ADGRB3: variants seen among roughly 807,000 people sequenced by gnomAD.
ADGRB3 encodes brain-specific angiogenesis inhibitor 3.
In ADGRB3, 37 loss-of-function variants were observed where a neutral mutation model predicts 193.4. The ratio of observed to expected loss-of-function variants is 0.19; its 90% CI spans 0.15 to 0.25. ADGRB3 has a LOEUF of 0.25. ADGRB3 is among the 10% of genes least tolerant of loss of function. The pLI is 1.00. For missense variants in ADGRB3, 1,637 were observed against 1,852.9 expected, an observed-to-expected ratio of 0.88 and a Z score of 2.14; for synonymous variants, 690 against 644.2, an observed-to-expected ratio of 1.07 and a Z score of -1.08.
At chr6:68,850,398 T>C (rs1768373991) in intron 3 of ADGRB3, among the ~76,000 whole-genome samples, 1 of 152,010 alleles carries the variant, frequency 6.6e-6, no homozygotes, top group Non-Finnish European at 1.5e-5. Flanking sequence ...TTTGTTACTT[T>C]AGAGGGTGCA....
At chr6:68,861,389 G>A (rs200604087) in intron 3 of ADGRB3, among the ~76,000 whole-genome samples, 1 of 151,932 alleles carries the variant, frequency 6.6e-6, no homozygotes, top group African/African-American at 2.4e-5. Context: ...GTGAAACCCC[G>A]TCTCTACTAA....
At chr6:68,781,547 C>T (rs1766852741) in intron 3 of ADGRB3, among the ~76,000 whole-genome samples, 2 of 151,922 alleles carry the variant, frequency 1.3e-5, no homozygotes, top group South Asian at 2.1e-4. Flanking sequence ...GAGTAAAGGT[C>T]TCATTCATTC....
intron 13 of ADGRB3, among the ~76,000 whole-genome samples, chr6:69,024,960 C>T (rs950716773): frequency 1.3e-4 from 19 of 151,882 alleles, no homozygotes; most frequent in South Asian, 4.2e-4. Context: ...GGCGTGGTGG[C>T]GGGCACCTGT....
chr6:69,093,944 C>G lies in ADGRB3; in HGVS notation c.2480+17906C>G, dbSNP rs566624168. ...AAATTATTTAAATCAGAGAAAAGTACAAGGAATTATTGTTTTTAAAAATAT... is the reference window on the plus strand; with the variant it reads ...AAATTATTTAAATCAGAGAAAAGTAGAAGGAATTATTGTTTTTAAAAATAT... On this transcript the variant is annotated intron_variant, in intron 17 of 31. Transcript: ENST00000370598. 1.7e-3 allele frequency among the ~76,000 whole-genome samples: 265 copies of G among 152,258 alleles called. 1 individual carries two copies. Among genetic ancestry groups the G allele is most frequent in the Non-Finnish European group, 3.0e-3 (207 of 68,016 alleles).
At chr6:68,922,180 T>G (rs962949102) in intron 3 of ADGRB3, among the ~76,000 whole-genome samples, 3 of 152,222 alleles carry the variant, frequency 2.0e-5, no homozygotes, top group Admixed American at 1.3e-4. Flanking sequence ...TTGTCTGCTA[T>G]GTTCACAGCT....
intron 11 of ADGRB3, among the ~76,000 whole-genome samples, chr6:69,003,554 A>G (rs1047130198): frequency 2.0e-5 from 3 of 152,144 alleles, no homozygotes; most frequent in South Asian, 2.1e-4. Context: ...CCAGCCAACA[A>G]TCACTCCAAG....
intron 3 of ADGRB3, among the ~76,000 whole-genome samples, chr6:68,777,424 A>C (rs1164354833): frequency 6.6e-6 from 1 of 152,122 alleles, no homozygotes; most frequent in Non-Finnish European, 1.5e-5. Flanking sequence ...TGCTGTGAAT[A>C]TCTCTATACT....
intron 17 of ADGRB3, among the ~76,000 whole-genome samples, chr6:69,196,548 A>G (rs1765300663): frequency 6.6e-6 from 1 of 152,080 alleles, no homozygotes; most frequent in Non-Finnish European, 1.5e-5. Flanking sequence ...CCAAATGTCT[A>G]TCCTTTTTTC....
At chr6:68,681,215 C>T (rs1393278205) in intron 3 of ADGRB3, among the ~76,000 whole-genome samples, 1 of 152,212 alleles carries the variant, frequency 6.6e-6, no homozygotes, top group African/African-American at 2.4e-5. Flanking sequence ...ACTTCCCTTA[C>T]AACCCAAATA....
intron 3 of ADGRB3, among the ~76,000 whole-genome samples, chr6:68,915,649 A>G (rs1766858643): frequency 6.6e-6 from 1 of 152,178 alleles, no homozygotes; most frequent in Non-Finnish European, 1.5e-5. Context: ...CAACTATAGA[A>G]AGTCTGAGGC....
intron 3 of ADGRB3, among the ~76,000 whole-genome samples, chr6:68,660,410 A>G (rs1768599924): frequency 6.6e-6 from 1 of 150,464 alleles, no homozygotes; most frequent in Admixed American, 6.7e-5. Flanking sequence ...CTCAGATCGC[A>G]GGGAAAAAAG....
intron 3 of ADGRB3, among the ~76,000 whole-genome samples, chr6:68,640,659 G>A (rs1423861232): frequency 6.6e-6 from 1 of 152,174 alleles, no homozygotes; most frequent in Non-Finnish European, 1.5e-5. Context: ...AACAGAAGTT[G>A]TCTTTGTGGC....
At position 68,703,780 on chromosome 6, in the gene ADGRB3, G is replaced by A. The variant is rs374319328; in HGVS notation, c.757+64348G>A. ...TGGGATTACAGGCGCCCGCCACCAT[G>A]CCCAGCTAATTTTTGTATTTTTAGT... On this transcript the variant is annotated intron_variant, in intron 3 of 31. Transcript: ENST00000370598. Among the ~76,000 whole-genome samples the A allele has an allele frequency of 2.2e-4, 33 of 152,078 alleles. 1 individual carries two copies. The East Asian group carries it at 5.3e-3, about 24-fold the overall frequency.
intron 17 of ADGRB3, among the ~76,000 whole-genome samples, chr6:69,163,453 G>A (rs1347117205): frequency 6.6e-6 from 1 of 152,026 alleles, no homozygotes; most frequent in African/African-American, 2.4e-5. Context: ...ATTTTGAAAA[G>A]GTTAAACGCT....
At position 69,279,070 on chromosome 6, in the gene ADGRB3, TG is replaced by T. The variant is rs1767363448; in HGVS notation, c.2814+39845del. On this transcript the variant is annotated intron_variant, in intron 20 of 31. Coordinates refer to ENST00000370598, the MANE Select transcript of ADGRB3 (RefSeq NM_001704.3). ...CCTCATATGGCATATTAAATACATATGTATATATATATATATATATATATAT... is the reference window on the plus strand; with the variant it reads ...CCTCATATGGCATATTAAATACATATTATATATATATATATATATATATAT... 7.7e-5 allele frequency among the ~76,000 whole-genome samples: 4 copies of T among 51,864 alleles called. No homozygotes were observed. The South Asian group carries it at 1.9e-3, about 24-fold the overall frequency. The allele number at this position is 51,864 out of a possible 152,430, so 34.0% of individuals were successfully genotyped here.
intron 17 of ADGRB3, among the ~76,000 whole-genome samples, chr6:69,116,438 C>T (rs1773535060): frequency 6.6e-6 from 1 of 152,132 alleles, no homozygotes; most frequent in Non-Finnish European, 1.5e-5. Context: ...TTTAGGTTTT[C>T]TCACAATTTG....
intron 3 of ADGRB3, among the ~76,000 whole-genome samples, chr6:68,722,226 A>G (rs1765596311): frequency 6.6e-6 from 1 of 151,740 alleles, no homozygotes; most frequent in Non-Finnish European, 1.5e-5. Flanking sequence ...TAGTTTGCTG[A>G]GAATGATGGT....
chr6:68,690,974 T>C (rs899857760), intron 3 of ADGRB3, among the ~76,000 whole-genome samples: 6 of 152,136 alleles, frequency 3.9e-5, no homozygotes, highest in African/African-American at 1.4e-4. Context: ...GGGCCAGTAT[T>C]TTTTTTCTGA....
intron 3 of ADGRB3, among the ~76,000 whole-genome samples, chr6:68,912,568 T>C (rs981254367): frequency 1.3e-5 from 2 of 152,112 alleles, no homozygotes; most frequent in Non-Finnish European, 2.9e-5. Flanking sequence ...CCTTCCTGTG[T>C]CCATGTGTTC....
Sources: gnomAD v4.1 joint callset for allele counts (sites outside exome capture counted in the v4.1 genomes callset) on GRCh38, gnomAD v4.1.1 for gene constraint, MANE v1.5 for transcripts, NCBI Gene and HGNC (gene_info 2026-07-23, HGNC 2026-07-21) for gene names.